Variants in ITPR2 observed in about 807,000 individuals in gnomAD.
ITPR2 encodes inositol 1,4,5-trisphosphate receptor type 2, also known as inositol 1,4,5-trisphosphate-gated calcium channel ITPR2.
In ITPR2, 207 loss-of-function variants were observed where a neutral mutation model predicts 317.1. The ratio of observed to expected loss-of-function variants is 0.65; its 90% confidence interval spans 0.58 to 0.73. The LOEUF (loss-of-function observed/expected upper bound fraction) is 0.73. Among genes scored for constraint, ITPR2 ranks in the 30% least tolerant of loss-of-function variants. ITPR2 has a pLI of 0.00. For synonymous variants in ITPR2, 1,156 were observed against 1,149.1 expected (o/e 1.01, Z -0.12); for missense variants, 2,613 against 3,284.0 (o/e 0.80, Z 4.99).
At chr12:26,451,760 A>G (rs1166408228) in intron 45 of ITPR2, among the ~76,000 whole-genome samples, 1 of 152,194 alleles carries the variant, frequency 6.6e-6, no homozygotes, top group South Asian at 2.1e-4. Flanking sequence ...ACTGATTATA[A>G]TAAACAAATG....
intron 13 of ITPR2, among the ~76,000 whole-genome samples, chr12:26,680,493 C>T (rs1013470580): frequency 6.6e-6 from 1 of 152,136 alleles, no homozygotes; most frequent in Non-Finnish European, 1.5e-5. Context: ...TAACTAAACT[C>T]CCTGATCCCT....
chr12:26,782,157 C>T (rs12304789), intron 2 of ITPR2, among the ~76,000 whole-genome samples: 2,177 of 149,578 alleles, frequency 0.015, 52 homozygotes, highest in African/African-American at 0.05. Flanking sequence ...TTATACAGAA[C>T]TATATTGTAT....
intron 55 of ITPR2, among the ~76,000 whole-genome samples, chr12:26,360,310 A>C (rs1025323824): frequency 3.2e-4 from 48 of 152,132 alleles, no homozygotes; most frequent in African/African-American, 1.1e-3. Flanking sequence ...AACCACTTCG[A>C]GAGGGAAGTT....
At chr12:26,814,042 C>T (rs1010123188) in intron 1 of ITPR2, among the ~76,000 whole-genome samples, 1 of 152,178 alleles carries the variant, frequency 6.6e-6, no homozygotes, top group Non-Finnish European at 1.5e-5. Context: ...GCCATCAGAG[C>T]AGCTGGACCA....
At chr12:26,618,144 A>G (rs1357745752) in intron 26 of ITPR2, among the ~76,000 whole-genome samples, 1 of 152,220 alleles carries the variant, frequency 6.6e-6, no homozygotes, top group East Asian at 1.9e-4. Flanking sequence ...ATTATGTTCA[A>G]TAGTGAAATA....
chr12:26,389,386 T>C (rs1282397211), intron 54 of ITPR2, among the ~76,000 whole-genome samples: 1 of 152,228 alleles, frequency 6.6e-6, no homozygotes, highest in East Asian at 1.9e-4. Context: ...ATGCAATATG[T>C]ATTTGCTAAA....
intron 55 of ITPR2, among the ~76,000 whole-genome samples, chr12:26,372,192 T>C (rs1449874604): frequency 6.6e-6 from 1 of 152,218 alleles, no homozygotes; most frequent in Non-Finnish European, 1.5e-5. Context: ...TGACCATATA[T>C]TATTATTTCT....
intron 10 of ITPR2, among the ~76,000 whole-genome samples, chr12:26,691,001 A>G (rs532756135): frequency 6.6e-6 from 1 of 152,348 alleles, no homozygotes; most frequent in East Asian, 1.9e-4. Flanking sequence ...TGTGAATAAG[A>G]GCTTCAAACA....
chr12:26,570,118 C>A (rs1442061155), intron 34 of ITPR2, among the ~76,000 whole-genome samples: 2 of 152,154 alleles, frequency 1.3e-5, no homozygotes, highest in Non-Finnish European at 2.9e-5. Flanking sequence ...GTGCTATAGA[C>A]AAGGTCAGGC....
Position 26,458,878 on chromosome 12 carries a change from C to T in ITPR2, c.6343-15228G>A, listed in dbSNP as rs77016527. ...CTTGCTTGGGTCTTGGTGAGCTGAG[C>T]GTGAAGGCCTCGCCACAGCTCCCGA... On this transcript the variant is annotated intron_variant, in intron 45 of 56. Transcript: ENST00000381340. Among the ~76,000 whole-genome samples the T allele has an allele frequency of 6.7e-3, 1,023 of 152,234 alleles. 12 individuals are homozygous for T. The highest frequency in any genetic ancestry group is 0.023 in the African/African-American group (974 of 41,522).
At chr12:26,652,460 G>A (rs776531185) in intron 21 of ITPR2, among the ~76,000 whole-genome samples, 1 of 152,138 alleles carries the variant, frequency 6.6e-6, no homozygotes, top group African/African-American at 2.4e-5. Context: ...TCTGAAATTA[G>A]GTTTCTGGTT....
intron 2 of ITPR2, among the ~76,000 whole-genome samples, chr12:26,736,696 T>G (rs1015988614): frequency 3.9e-5 from 6 of 152,132 alleles, no homozygotes; most frequent in African/African-American, 1.4e-4. Context: ...ATATTATCAC[T>G]CCAAATATAA....
chr12:26,439,131 G>A lies in ITPR2; in HGVS notation c.6639C>T (p.Ile2213=). Residue 2213 remains isoleucine (I), a synonymous_variant, in exon 47 of 57, where the codon ATC becomes ATT. Coordinates refer to ENST00000381340, the MANE Select transcript of ITPR2 (RefSeq NM_002223.4). Reference sequence around the variant, plus strand: ...ATTTCAGTTTACTGTACTTACTCCTGATTTTCTTCTGCCACTTCATTTCAT... The same window carrying A: ...ATTTCAGTTTACTGTACTTACTCCTAATTTTCTTCTGCCACTTCATTTCAT... The part of the protein sequence containing the change: ...LYNEMKWQKK[I]RNNPALFWFS... 6.2e-7 allele frequency: 1 copy of A among 1,601,606 alleles called. No individual in the cohort carries two copies. Among genetic ancestry groups the A allele is most frequent in the Non-Finnish European group, 8.5e-7 (1 of 1,172,404 alleles).
At chr12:26,803,748 CAA>C (rs1429393927) in intron 1 of ITPR2, among the ~76,000 whole-genome samples, 5 of 152,050 alleles carry the variant, frequency 3.3e-5, no homozygotes, top group Non-Finnish European at 7.4e-5. Flanking sequence ...CCTCCTTCTT[CAA>C]AAAGAGATGA....
At chr12:26,361,206 A>C (rs1938817599) in intron 55 of ITPR2, among the ~76,000 whole-genome samples, 1 of 74,372 alleles carries the variant, frequency 1.3e-5, no homozygotes. Flanking sequence ...CAAGAGCAAA[A>C]CTCCAAAAAA....
At chr12:26,356,253 C>T (rs1381791808) in intron 55 of ITPR2, among the ~76,000 whole-genome samples, 4 of 152,220 alleles carry the variant, frequency 2.6e-5, no homozygotes, top group South Asian at 2.1e-4. Context: ...TCCCAGACCA[C>T]GTGGTCCTGC....
At chr12:26,572,845 A>G (rs1384397873) in intron 34 of ITPR2, among the ~76,000 whole-genome samples, 2 of 152,072 alleles carry the variant, frequency 1.3e-5, no homozygotes, top group Non-Finnish European at 2.9e-5. Context: ...AGGCAATTAG[A>G]TCTTTAAATA....
chr12:26,545,591 T>G (rs1487657667), intron 37 of ITPR2, among the ~76,000 whole-genome samples: 1 of 152,194 alleles, frequency 6.6e-6, no homozygotes, highest in Non-Finnish European at 1.5e-5. Flanking sequence ...GATAATAAAT[T>G]TGTGTGGTTT....
chr12:26,645,830 G>A (rs566405775), intron 21 of ITPR2, among the ~76,000 whole-genome samples: 1 of 152,280 alleles, frequency 6.6e-6, no homozygotes, highest in Admixed American at 6.5e-5. Context: ...ACACTAGCTT[G>A]TACGTATGTG....
Sources: gnomAD v4.1 joint callset for allele counts (sites outside exome capture counted in the v4.1 genomes callset) on GRCh38, gnomAD v4.1.1 for gene constraint, MANE v1.5 for transcripts, NCBI Gene and HGNC (gene_info 2026-07-23, HGNC 2026-07-21) for gene names.